RNF11: variants seen among roughly 807,000 people sequenced by gnomAD.
RNF11 encodes ring finger protein 11.
RNF11 carries 4 observed loss-of-function variants against 15.8 expected under a neutral mutation model. That is an observed-to-expected ratio of 0.25 (90% CI 0.12 to 0.58). The LOEUF is 0.58. RNF11 is among the 20% of genes least tolerant of loss of function. The pLI, the probability that RNF11 is intolerant of heterozygous loss-of-function variation, is 0.91. For synonymous variants in RNF11, 68 were observed against 72.3 expected (o/e 0.94, Z 0.30); for missense variants, 139 against 194.4 (o/e 0.71, Z 1.70).
chr1:51,268,009 G>A (rs1266974535), intron 1 of RNF11, among the ~76,000 whole-genome samples: 1 of 152,164 alleles, frequency 6.6e-6, no homozygotes, highest in African/African-American at 2.4e-5. Flanking sequence ...GGGATTACAC[G>A]CATGAGCTAC....
chr1:51,248,036 C>T (rs1646860098), intron 1 of RNF11, among the ~76,000 whole-genome samples: 1 of 150,900 alleles, frequency 6.6e-6, no homozygotes, highest in African/African-American at 2.4e-5. Context: ...AAGCAGTTTA[C>T]CATAATTGAG....
intron 1 of RNF11, among the ~76,000 whole-genome samples, chr1:51,239,843 CT>C (rs1165415166): frequency 6.6e-6 from 1 of 152,192 alleles, no homozygotes; most frequent in Non-Finnish European, 1.5e-5. Context: ...TTGTTTGCTG[CT>C]TTATATGTAC....
chr1:51,270,535 ACT>A (rs1366028114), intron 2 of RNF11, among the ~76,000 whole-genome samples: 1 of 152,056 alleles, frequency 6.6e-6, no homozygotes, highest in African/African-American at 2.4e-5. Flanking sequence ...ATCACTTGAA[ACT>A]CTGTCTCAAA....
At chr1:51,266,584 C>T (rs1357950883) in intron 1 of RNF11, among the ~76,000 whole-genome samples, 1 of 151,826 alleles carries the variant, frequency 6.6e-6, no homozygotes, top group Non-Finnish European at 1.5e-5. Flanking sequence ...TGCCTCAGTC[C>T]CCGAGGTAGC....
chr1:51,258,264 C>T (rs1369582338), intron 1 of RNF11, among the ~76,000 whole-genome samples: 1 of 152,202 alleles, frequency 6.6e-6, no homozygotes. Context: ...TGGTTGACCA[C>T]AGTTAACTGA....
chr1:51,238,359 G>T (rs923028963), intron 1 of RNF11, among the ~76,000 whole-genome samples: 2 of 152,080 alleles, frequency 1.3e-5, no homozygotes, highest in African/African-American at 4.8e-5. Flanking sequence ...GCCTCCTTCA[G>T]TGCAAGCTGC....
intron 1 of RNF11, among the ~76,000 whole-genome samples, chr1:51,256,964 G>A (rs1216653956): frequency 1.3e-5 from 2 of 152,164 alleles, no homozygotes; most frequent in African/African-American, 2.4e-5. Flanking sequence ...GTGAGCCACC[G>A]TGCCTGGTCG....
In RNF11 at chr1:51,271,310, T is replaced by C. The variant is rs774784687; in HGVS notation, c.453T>C (p.Tyr151=). 3 of 1,611,776 alleles carry C rather than the reference T, an allele frequency of 1.9e-6. No homozygotes were observed. Among genetic ancestry groups the C allele is most frequent in the Non-Finnish European group, 2.5e-6 (3 of 1,178,390 alleles). The part of the protein sequence containing the change: ...EPVDAALLSS[Y]ETN ...TTGATGCAGCACTGCTTTCATCCTA[T>C]GAGACTAATTGAGCCAGGGTCTCTT... Residue 151 remains tyrosine, a synonymous_variant, in exon 3 of 3, where the codon TAT becomes TAC. Coordinates refer to ENST00000242719, the MANE Select transcript of RNF11 (RefSeq NM_014372.5).
intron 1 of RNF11, 43 bp downstream of exon 1, chr1:51,236,922 C>T (rs1034239322): frequency 1.3e-6 from 2 of 1,574,554 alleles, no homozygotes; most frequent in Non-Finnish European, 1.7e-6. Flanking sequence ...AGAGGCAGCT[C>T]TGGCGGAGAT....
At chr1:51,237,861 C>T (rs536592145) in intron 1 of RNF11, among the ~76,000 whole-genome samples, 11 of 152,258 alleles carry the variant, frequency 7.2e-5, no homozygotes, top group Admixed American at 1.3e-4. Context: ...AGTTTTCTGA[C>T]TGGGTAGGCT....
intron 1 of RNF11, among the ~76,000 whole-genome samples, chr1:51,259,893 T>C (rs72898417): frequency 1.1e-4 from 17 of 152,198 alleles, no homozygotes; most frequent in East Asian, 1.9e-4. Flanking sequence ...ACTAAACTTA[T>C]CGCATTCTCT....
At chr1:51,254,028 A>G (rs750382817) in intron 1 of RNF11, among the ~76,000 whole-genome samples, 12 of 152,162 alleles carry the variant, frequency 7.9e-5, no homozygotes, top group South Asian at 2.1e-4. Flanking sequence ...AAAGCTCTAC[A>G]CGATCAATCG....
At position 51,272,846 on chromosome 1, in the gene RNF11, A is replaced by G. The variant is rs1002260423; in HGVS notation, c.*1524A>G. 9 of 152,190 alleles carry G rather than the reference A, an allele frequency of 5.9e-5. No homozygotes were observed. The highest frequency in any genetic ancestry group is 1.2e-4 in the African/African-American group (5 of 41,464). 9.4% of individuals were successfully genotyped at this position (152,190 alleles called of 1,614,324 possible). A position where few individuals can be genotyped will look rare whatever the true frequency, so the allele number is the denominator to read the frequency against. Reference sequence around the variant, plus strand: ...TTTTCTACATACAAAACACAGTGTCATGAAGGTTATTCATAATTGCATTAT... The same window carrying G: ...TTTTCTACATACAAAACACAGTGTCGTGAAGGTTATTCATAATTGCATTAT... On this transcript the variant is annotated 3_prime_UTR_variant, in exon 3 of 3. Transcript: ENST00000242719.
At chr1:51,256,880 G>T (rs945102833) in intron 1 of RNF11, among the ~76,000 whole-genome samples, 6 of 152,110 alleles carry the variant, frequency 3.9e-5, no homozygotes, top group Non-Finnish European at 7.3e-5. Flanking sequence ...CACCATGTTG[G>T]CCAGGCTGGT....
intron 1 of RNF11, among the ~76,000 whole-genome samples, chr1:51,242,472 C>CAAACAA (rs373575179): frequency 0.01 from 1,556 of 151,308 alleles, 20 homozygotes; most frequent in African/African-American, 0.035. Flanking sequence ...ATTAAAATAC[C>CAAACAA]AAACAAAAAC....
At chr1:51,261,708 G>A (rs1646931393) in intron 1 of RNF11, among the ~76,000 whole-genome samples, 2 of 143,180 alleles carry the variant, frequency 1.4e-5, no homozygotes, top group African/African-American at 2.6e-5. Context: ...TTTTTCTTGA[G>A]ACGGAGTCTT....
intron 1 of RNF11, among the ~76,000 whole-genome samples, chr1:51,263,216 G>T (rs1426945138): frequency 1.3e-5 from 2 of 152,122 alleles, no homozygotes; most frequent in Non-Finnish European, 2.9e-5. Flanking sequence ...ACTTATACAT[G>T]TATTTTCATA....
In RNF11 at chr1:51,269,978, A is replaced by C; in HGVS notation, c.146A>C (p.Tyr49Ser). The stretch of plus-strand genomic sequence containing the variant: ...TAGGAACAAGTTCCAGTTCCAGTCT[A>C]CCACCCAACACCTAGCCAGACTCGG... ...PYQEQVPVPV[Y>S]HPTPSQTRLA... is the part of the protein sequence containing the mutation. Residue 49 changes from tyrosine (Y) to serine (S), a missense_variant, in exon 2 of 3, where the codon TAC becomes TCC. Physicochemically the swap from Tyr to Ser is moderately radical, Grantham distance 144. Transcript: ENST00000242719. 1 of 1,612,866 alleles carries C rather than the reference A, an allele frequency of 6.2e-7. No individual in the cohort carries two copies. Among genetic ancestry groups the C allele is most frequent in the Non-Finnish European group, 8.5e-7 (1 of 1,179,678 alleles).
intron 1 of RNF11, chr1:51,250,609 C>A: frequency 4.3e-6 from 3 of 690,262 alleles, no homozygotes; most frequent in South Asian, 3.6e-5. Context: ...TATGTTGTAG[C>A]CACAGCTGGA....
Sources: gnomAD v4.1 joint callset for allele counts (sites outside exome capture counted in the v4.1 genomes callset) on GRCh38, gnomAD v4.1.1 for gene constraint, MANE v1.5 for transcripts, NCBI Gene and HGNC (gene_info 2026-07-23, HGNC 2026-07-21) for gene names.